The following DPYSL3 variants were observed in gnomAD, a reference collection of about 807,000 sequenced individuals.
DPYSL3 encodes dihydropyrimidinase like 3.
DPYSL3 carries 16 observed loss-of-function variants against 66.1 expected under a neutral mutation model. The observed-to-expected ratio is 0.24, with a 90% CI of 0.16 to 0.37. The LOEUF is 0.37. Among genes scored for constraint, DPYSL3 ranks in the 10% least tolerant of loss-of-function variants. The pLI is 1.00. For synonymous variants in DPYSL3, 338 were observed against 345.1 expected (o/e 0.98, Z 0.23); for missense variants, 738 against 916.2 (o/e 0.81, Z 2.51).
In DPYSL3 at chr5:147,413,636, T is replaced by C. The variant is rs1561778293; in HGVS notation, c.842A>G (p.Tyr281Cys). 1.9e-6 allele frequency: 3 copies of C among 1,613,060 alleles called. No homozygotes were observed. The highest frequency in any genetic ancestry group is 2.5e-6 in the Non-Finnish European group (3 of 1,179,330). Reference sequence around the variant, plus strand: ...TTGATACAAATCCTTATAAGCCATATAAACCATGAAGGAGTTAACCCCTGC... The same window carrying C: ...TTGATACAAATCCTTATAAGCCATACAAACCATGAAGGAGTTAACCCCTGC... ...KDKGVNSFMV[Y>C]MAYKDLYQVS... Residue 281 changes from tyrosine (Y) to cysteine (C), a missense_variant, in exon 5 of 14, where the codon TAT (tyrosine) becomes TGT (cysteine). Transcript: ENST00000343218.
Position 147,456,222 on chromosome 5 carries a change from C to G in DPYSL3, c.382-31259G>C, listed in dbSNP as rs75234196. 3.2e-3 allele frequency among the ~76,000 whole-genome samples: 482 copies of G among 152,276 alleles called. 2 individuals are homozygous for G. The highest frequency in any genetic ancestry group is 0.01 in the African/African-American group (429 of 41,540). On this transcript the variant is annotated intron_variant, in intron 1 of 13. Transcript: ENST00000343218. ...CCTTCCTTGGCCATAAGAAAGGCAG[C>G]CATCAACACAGGATGCCTCTGTGTC...
chr5:147,454,825 C>A (rs1752815948), intron 1 of DPYSL3, among the ~76,000 whole-genome samples: 1 of 152,152 alleles, frequency 6.6e-6, no homozygotes, highest in South Asian at 2.1e-4. Flanking sequence ...TAAAATCAAA[C>A]GGCCAAAGGG....
chr5:147,453,537 G>T, intron 1 of DPYSL3: 1 of 1,530,760 alleles, frequency 6.5e-7, no homozygotes. Context: ...GAGCAGCGGC[G>T]CCCGGACTCA....
chr5:147,502,174 G>T (rs1171553158), intron 1 of DPYSL3, among the ~76,000 whole-genome samples: 1 of 151,896 alleles, frequency 6.6e-6, no homozygotes, highest in Admixed American at 6.6e-5. Context: ...AGCTCTCTAG[G>T]GCCGCTTTCA....
At position 147,454,394 on chromosome 5, in the gene DPYSL3, G is replaced by A. The variant is rs997227097; in HGVS notation, c.382-29431C>T. The A allele has an allele frequency of 2.0e-5, 3 of 152,248 alleles. No individual in the cohort carries two copies. In the East Asian group the frequency reaches 5.8e-4, roughly 29 times the overall value. The allele number at this position is 152,248 out of a possible 1,614,324, so 9.4% of individuals were successfully genotyped here. ...CCTGGCGGGCCTGCTGGGGTCCCCA[G>A]ACCCGGAACATACACATTAGAAAAT... On this transcript the variant is annotated intron_variant, in intron 1 of 13. Coordinates refer to ENST00000343218, the MANE Select transcript of DPYSL3 (RefSeq NM_001197294.2).
intron 1 of DPYSL3, among the ~76,000 whole-genome samples, chr5:147,460,168 C>T (rs978322188): frequency 6.6e-6 from 1 of 152,074 alleles, no homozygotes; most frequent in African/African-American, 2.4e-5. Context: ...TGCTGATCTT[C>T]ATCTCTGGCC....
chr5:147,430,513 A>T (rs1177196573), intron 1 of DPYSL3, among the ~76,000 whole-genome samples: 1 of 151,338 alleles, frequency 6.6e-6, no homozygotes, highest in Non-Finnish European at 1.5e-5. Flanking sequence ...CGGTCTCAAA[A>T]AAAAAAAAAA....
intron 1 of DPYSL3, among the ~76,000 whole-genome samples, chr5:147,453,101 G>A (rs1752768868): frequency 6.6e-6 from 1 of 152,158 alleles, no homozygotes; most frequent in African/African-American, 2.4e-5. Context: ...GGAGCTGGGA[G>A]AGGGGCGCGG....
chr5:147,504,042 T>C (rs12653303), intron 1 of DPYSL3, among the ~76,000 whole-genome samples: 23,190 of 152,234 alleles, frequency 0.15, 1,862 homozygotes, highest in Middle Eastern at 0.22. Context: ...CTTCTGCCTC[T>C]TCCATTTGCA....
intron 1 of DPYSL3, among the ~76,000 whole-genome samples, chr5:147,497,786 C>A (rs984505639): frequency 5.3e-5 from 8 of 151,840 alleles, no homozygotes; most frequent in African/African-American, 1.7e-4. Context: ...AAAAAACCTA[C>A]AGCTAACATC....
In DPYSL3 at chr5:147,397,747, G is replaced by A. The variant is rs370095443; in HGVS notation, c.1722C>T (p.His574=). 14 of 1,614,168 alleles carry A rather than the reference G, an allele frequency of 8.7e-6. 2 individuals carry two copies. The highest frequency in any genetic ancestry group is 3.3e-4 in the Middle Eastern group (2 of 6,062). The change falls in exon 12 of 14, where the codon CAC becomes CAT. Residue 574 remains histidine, a synonymous_variant. Transcript: ENST00000343218. ...GKIMLEDGNL[H]VTQGAGRFIP... ...TGAAGCGGCCAGCCCCCTGGGTCAC[G>A]TGCAGGTTGCCATCTTCCAGCATGA...
intron 1 of DPYSL3, among the ~76,000 whole-genome samples, chr5:147,469,415 C>G (rs1318259465): frequency 6.6e-6 from 1 of 152,188 alleles, no homozygotes; most frequent in African/African-American, 2.4e-5. Context: ...GTGCCCCACA[C>G]AAGTTCTTTT....
chr5:147,436,996 C>A (rs928558185), intron 1 of DPYSL3, among the ~76,000 whole-genome samples: 1 of 152,116 alleles, frequency 6.6e-6, no homozygotes, highest in African/African-American at 2.4e-5. Context: ...TGTTAGTGGA[C>A]GGGCTTGAGT....
At chr5:147,483,619 T>C (rs1299239647) in intron 1 of DPYSL3, among the ~76,000 whole-genome samples, 1 of 152,222 alleles carries the variant, frequency 6.6e-6, no homozygotes, top group Admixed American at 6.5e-5. Context: ...GAGTCAACCC[T>C]GTGGCAGTGG....
At chr5:147,433,823 G>A (rs1379063318) in intron 1 of DPYSL3, among the ~76,000 whole-genome samples, 1 of 152,114 alleles carries the variant, frequency 6.6e-6, no homozygotes, top group Non-Finnish European at 1.5e-5. Flanking sequence ...CACGAGGTCA[G>A]GAGATCGAGA....
At chr5:147,438,392 T>G (rs1752452777) in intron 1 of DPYSL3, among the ~76,000 whole-genome samples, 1 of 152,168 alleles carries the variant, frequency 6.6e-6, no homozygotes, top group Non-Finnish European at 1.5e-5. Context: ...ACTTAAAAAT[T>G]ATCAGAACTC....
chr5:147,503,125 A>G (rs1753639340), intron 1 of DPYSL3, among the ~76,000 whole-genome samples: 1 of 152,150 alleles, frequency 6.6e-6, no homozygotes, highest in South Asian at 2.1e-4. Flanking sequence ...CTCATTAATG[A>G]CTAAGTTGTT....
chr5:147,484,539 A>G (rs1447411223), intron 1 of DPYSL3, among the ~76,000 whole-genome samples: 1 of 152,230 alleles, frequency 6.6e-6, no homozygotes, highest in East Asian at 1.9e-4. Flanking sequence ...GTAACAAACA[A>G]TAACAAACCA....
chr5:147,422,422 C>T (rs1389536135), intron 2 of DPYSL3, among the ~76,000 whole-genome samples: 1 of 152,150 alleles, frequency 6.6e-6, no homozygotes, highest in East Asian at 1.9e-4. Flanking sequence ...ACTAGTTCAA[C>T]CATTGTGGAA....
Sources: gnomAD v4.1 joint callset for allele counts (sites outside exome capture counted in the v4.1 genomes callset) on GRCh38, gnomAD v4.1.1 for gene constraint, MANE v1.5 for transcripts, NCBI Gene and HGNC (gene_info 2026-07-23, HGNC 2026-07-21) for gene names.